The following CBX2 variants were observed in gnomAD, a reference collection of about 807,000 sequenced individuals.
CBX2 encodes the protein chromobox 2.
In CBX2, 11 loss-of-function variants were observed where a neutral mutation model predicts 21.0. That is an observed-to-expected ratio of 0.52 (90% CI 0.33 to 0.87). The LOEUF is 0.87. Among genes scored for constraint, CBX2 ranks in the 40% least tolerant of loss-of-function variants. CBX2 has a pLI of 0.02. For synonymous variants in CBX2, 364 were observed against 304.6 expected (o/e 1.19, Z -2.03); for missense variants, 746 against 724.3 (o/e 1.03, Z -0.34).
rs1907590302 is a variant in CBX2, at chr17:79,785,746, C to T, written c.*704C>T. 2 of 153,474 alleles carry T rather than the reference C, an allele frequency of 1.3e-5. No homozygotes were observed. The highest frequency in any genetic ancestry group is 1.3e-4 in the Admixed American group (2 of 15,498). The allele number at this position is 153,474 out of a possible 1,614,324, so 9.5% of individuals were successfully genotyped here. On this transcript the variant is annotated 3_prime_UTR_variant, in exon 5 of 5. Coordinates refer to ENST00000310942, the MANE Select transcript of CBX2 (RefSeq NM_005189.3). ...AAGGCTGCCTTCATGGCCATCTAGCCCCAGTTCAGGGCAGCATCCATAGCC... is the reference window on the plus strand; with the variant it reads ...AAGGCTGCCTTCATGGCCATCTAGCTCCAGTTCAGGGCAGCATCCATAGCC...
rs1907594146 is a variant in CBX2, at chr17:79,785,784, TG to T, written c.*745del. 1.3e-5 allele frequency: 2 copies of T among 152,560 alleles called. No homozygotes were observed. Among genetic ancestry groups the T allele is most frequent in the Non-Finnish European group, 2.9e-5 (2 of 68,474 alleles). The allele number at this position is 152,560 out of a possible 1,614,324, so 9.5% of individuals were successfully genotyped here. A position where few individuals can be genotyped will look rare whatever the true frequency, so the allele number is the denominator to read the frequency against. On this transcript the variant is annotated 3_prime_UTR_variant, in exon 5 of 5. Transcript: ENST00000310942. ...AGCATCCATAGCCCACAAGCCAGCG[TG>T]GGTGGGGCGGGGGTGGTCCCACAGC... is the stretch of plus-strand genomic sequence containing the variant.
At position 79,778,398 on chromosome 17, in the gene CBX2, C is replaced by T. The variant is rs1555829446; in HGVS notation, c.87C>T (p.Tyr29=). The change falls in exon 2 of 5, where the codon TAC becomes TAT. Residue 29 remains tyrosine (Y), a synonymous_variant. Coordinates refer to ENST00000310942, the MANE Select transcript of CBX2 (RefSeq NM_005189.3). This position sits in a 1 kb window ranked among gnomAD's most constrained non-coding sequence, Gnocchi z 4.8. ...TCTCCCCGCAGGGCAAGCTGGAGTA[C>T]CTGGTCAAGTGGCGCGGCTGGTCCT... ...SKRLRKGKLE[Y]LVKWRGWSSK... 1.9e-6 allele frequency: 3 copies of T among 1,577,532 alleles called. No homozygotes were observed. The highest frequency in any genetic ancestry group is 2.8e-5 in the African/African-American group (2 of 72,582).
At chr17:79,782,055 G>C in intron 4 of CBX2, 3 of 1,613,900 alleles carry the variant, frequency 1.9e-6, no homozygotes, top group Non-Finnish European at 2.5e-6. Flanking sequence ...ACGCCTCTCT[G>C]CTGGGTGGCA....
chr17:79,785,295 T>C lies in CBX2; in HGVS notation c.*253T>C. The C allele has an allele frequency of 1.8e-6, 1 of 569,642 alleles. No homozygotes were observed. Among genetic ancestry groups the C allele is most frequent in the East Asian group, 2.9e-5 (1 of 33,926 alleles). The allele number at this position is 569,642 out of a possible 1,614,324, so 35.3% of individuals were successfully genotyped here. ...CTCTGCAGGCCTCTTTGCTCTCCCC[T>C]CTTGCCTCAGGAAACCCGGTGGCAC... On this transcript the variant is annotated 3_prime_UTR_variant, in exon 5 of 5. Coordinates refer to ENST00000310942, the MANE Select transcript of CBX2 (RefSeq NM_005189.3).
At position 79,786,235 on chromosome 17, in the gene CBX2, C is replaced by A. The variant is rs1555831832; in HGVS notation, c.*1193C>A. ...CTGCAAGTGTTGGCCGTGGGTCCAG[C>A]CAACAACTCCCTACGTCCTGTGTGG... is the stretch of plus-strand genomic sequence containing the variant. On this transcript the variant is annotated 3_prime_UTR_variant, in exon 5 of 5. Coordinates refer to ENST00000310942, the MANE Select transcript of CBX2 (RefSeq NM_005189.3). The A allele has an allele frequency of 6.5e-6, 1 of 152,774 alleles. No individual in the cohort carries two copies. Among genetic ancestry groups the A allele is most frequent in the Non-Finnish European group, 1.5e-5 (1 of 68,130 alleles). The allele number at this position is 152,774 out of a possible 1,614,324, so 9.5% of individuals were successfully genotyped here. A position where few individuals can be genotyped will look rare whatever the true frequency, so the allele number is the denominator to read the frequency against.
rs1187148825 is a variant in CBX2 at position 79,785,106 on chromosome 17, A to G, written c.*64A>G. 2.9e-6 allele frequency: 4 copies of G among 1,394,116 alleles called. No individual in the cohort carries two copies. Among genetic ancestry groups the G allele is most frequent in the Non-Finnish European group, 4.0e-6 (4 of 995,980 alleles). 86.4% of individuals were successfully genotyped at this position (1,394,116 alleles called of 1,614,324 possible). The stretch of plus-strand genomic sequence containing the variant: ...CCCTGCCTATGGTGTCGCTTGGCTA[A>G]GTGACTCCCAGCCCAAGCCCCCTCA... On this transcript the variant is annotated 3_prime_UTR_variant, in exon 5 of 5. Transcript: ENST00000310942.
In CBX2 at chr17:79,778,888, C is replaced by A. The variant is rs1191638128; in HGVS notation, c.116+461C>A. Among the ~76,000 whole-genome samples, 1 of 152,156 alleles carries A rather than the reference C, an allele frequency of 6.6e-6. No homozygotes were observed. Among genetic ancestry groups the A allele is most frequent in the African/African-American group, 2.4e-5 (1 of 41,438 alleles). On this transcript the variant is annotated intron_variant, in intron 2 of 4. Transcript: ENST00000310942. The surrounding 1 kb of genome is among the most constrained non-coding windows in gnomAD (Gnocchi z 4.8). The stretch of plus-strand genomic sequence containing the variant: ...AGCTGCTCCCGCGGCCCCGTTTCTG[C>A]GTCTTCCCGGACCCCGCTCTTTCTT...
rs1175218232 is a variant in CBX2, at chr17:79,778,210, C to T, written c.-26C>T. On this transcript the variant is annotated 5_prime_UTR_variant, in exon 1 of 5. Transcript: ENST00000310942. The surrounding 1 kb of genome is among the most constrained non-coding windows in gnomAD (Gnocchi z 4.8). Reference sequence around the variant, plus strand: ...CGGGCGGGTGACTGGCGGCGGGCGCCGCGGTCGGGCTGGCTGCCGGGCAGC... The same window carrying T: ...CGGGCGGGTGACTGGCGGCGGGCGCTGCGGTCGGGCTGGCTGCCGGGCAGC... The T allele has an allele frequency of 1.5e-5, 20 of 1,306,756 alleles. No individual in the cohort carries two copies. Among genetic ancestry groups the T allele is most frequent in the Middle Eastern group, 2.9e-4 (1 of 3,494 alleles). 80.9% of individuals were successfully genotyped at this position (1,306,756 alleles called of 1,614,324 possible).
In CBX2 at chr17:79,785,192, C is replaced by T. The variant is rs1598228176; in HGVS notation, c.*150C>T. On this transcript the variant is annotated 3_prime_UTR_variant, in exon 5 of 5. Transcript: ENST00000310942. ...CCTTGATGGGCAGGCTTGGAAGGGA[C>T]TTCTCCCGCACCCCACTCTGTCCCA... 1 of 684,620 alleles carries T rather than the reference C, an allele frequency of 1.5e-6. No homozygotes were observed. Among genetic ancestry groups the T allele is most frequent in the East Asian group, 2.7e-5 (1 of 37,004 alleles). 42.4% of individuals were successfully genotyped at this position (684,620 alleles called of 1,614,324 possible). A position where few individuals can be genotyped will look rare whatever the true frequency, so the allele number is the denominator to read the frequency against.
rs1451069369 is a variant in CBX2, at chr17:79,783,646, G to C, written c.289-86G>C. 3 of 1,183,480 alleles carry C rather than the reference G, an allele frequency of 2.5e-6. No homozygotes were observed. The East Asian group carries it at 7.6e-5, about 30-fold the overall frequency. 73.3% of individuals were successfully genotyped at this position (1,183,480 alleles called of 1,614,324 possible). On this transcript the variant is annotated intron_variant, in intron 4 of 4. Transcript: ENST00000310942. ...GCTGGTCTTGAACTCCTGACCTCAGGTGATCCACCCGCTTCGGCCTCCCAA... is the reference window on the plus strand; with the variant it reads ...GCTGGTCTTGAACTCCTGACCTCAGCTGATCCACCCGCTTCGGCCTCCCAA...
At chr17:79,782,522 C>T in intron 4 of CBX2, 1 of 1,166,930 alleles carries the variant, frequency 8.6e-7, no homozygotes, top group East Asian at 5.6e-5. Context: ...CTCCTCCGGG[C>T]ACTGTCCCTG....
In CBX2 at chr17:79,783,926, G is replaced by C; in HGVS notation, c.483G>C (p.Arg161=). The C allele has an allele frequency of 6.2e-7, 1 of 1,614,048 alleles. No individual in the cohort carries two copies. Among genetic ancestry groups the C allele is most frequent in the East Asian group, 2.2e-5 (1 of 44,876 alleles). ...VAKPELKDPI[R]KKRGRKPLPP... ...AACCCGAGCTGAAGGATCCCATCCG[G>C]AAGAAGCGGGGACGAAAGCCCCTGC... Residue 161 remains arginine, a synonymous_variant, in exon 5 of 5, where the codon CGG becomes CGC. Coordinates refer to ENST00000310942, the MANE Select transcript of CBX2 (RefSeq NM_005189.3).
rs959809617 is a variant in CBX2, at chr17:79,784,604, C to T, written c.1161C>T (p.Ala387=). The T allele has an allele frequency of 1.9e-6, 3 of 1,612,654 alleles. No homozygotes were observed. The highest frequency in any genetic ancestry group is 2.5e-6 in the Non-Finnish European group (3 of 1,179,932). ...AGGGTGTCCCGGCCACCAACCCAGC[C>T]CCTGGGAAGGGCACTGGGAGTGGCC... ...ATKGVPATNP[A]PGKGTGSGLI... is the part of the protein sequence containing the mutation. The change falls in exon 5 of 5, where the codon GCC becomes GCT. Residue 387 remains alanine (A), a synonymous_variant. Coordinates refer to ENST00000310942, the MANE Select transcript of CBX2 (RefSeq NM_005189.3). This position sits in a 1 kb window ranked among gnomAD's most constrained non-coding sequence, Gnocchi z 5.9.
intron 3 of CBX2, 92 bp downstream of exon 3, chr17:79,779,519 G>GACCTCAGACCACAGCCCC: frequency 8.5e-7 from 1 of 1,180,512 alleles, no homozygotes. Flanking sequence ...CGGGAGGCTG[G>GACCTCAGACCACAGCCCC]AGCTGGGGCT....
chr17:79,781,712 G>T lies in CBX2; in HGVS notation c.199G>T (p.Val67Leu), dbSNP rs782522831. 1.2e-6 allele frequency: 2 copies of T among 1,613,868 alleles called. No individual in the cohort carries two copies. The highest frequency in any genetic ancestry group is 8.5e-7 in the Non-Finnish European group (1 of 1,179,966). Residue 67 changes from valine to leucine, a missense_variant, in exon 4 of 5, where the codon GTG becomes TTG. Physicochemically the swap from Val to Leu is conservative, Grantham distance 32. Around this residue, in one of 2 missense-constraint regions of CBX2, gnomAD observed 701 missense variants for 650.7 expected, o/e 1.08. Coordinates refer to ENST00000310942, the MANE Select transcript of CBX2 (RefSeq NM_005189.3). ...TGCCTTCAGGGAACATGAGAAGGAG[G>T]TGCAGAACCGGAAGAGAGGCAAGAG... ...AFQKKEHEKEVQNRKRGKRPR... is the reference protein window; with the variant it reads ...AFQKKEHEKELQNRKRGKRPR...
At chr17:79,781,991 G>A (rs782104373) in intron 4 of CBX2, 190 bp downstream of exon 4, 3 of 1,614,104 alleles carry the variant, frequency 1.9e-6, no homozygotes, top group Non-Finnish European at 2.5e-6. Flanking sequence ...GCCCCAGCCG[G>A]CTGAGAGTTC....
intron 4 of CBX2, among the ~76,000 whole-genome samples, chr17:79,782,809 C>T (rs559149583): frequency 7.9e-5 from 12 of 152,190 alleles, no homozygotes; most frequent in Admixed American, 2.0e-4. Context: ...GGTAGGGAGG[C>T]GGTGTTGGAT....
Position 79,786,018 on chromosome 17 carries a change from G to C in CBX2, c.*976G>C, listed in dbSNP as rs1907611315. 1 of 152,404 alleles carries C rather than the reference G, an allele frequency of 6.6e-6. No individual in the cohort carries two copies. The highest frequency in any genetic ancestry group is 2.4e-5 in the African/African-American group (1 of 41,476). The allele number at this position is 152,404 out of a possible 1,614,324, so 9.4% of individuals were successfully genotyped here. ...CCCAAGGAAAACCCAAAGTGGAGGT[G>C]CTCAGGTCCAGGGGAGTCCAGTGGG... On this transcript the variant is annotated 3_prime_UTR_variant, in exon 5 of 5. Transcript: ENST00000310942.
chr17:79,777,897 C>G (rs1293320829), upstream of CBX2, among the ~76,000 whole-genome samples: 6 of 149,774 alleles, frequency 4.0e-5, no homozygotes, highest in Admixed American at 6.6e-5. Flanking sequence ...ACCTCCTCCC[C>G]CAGCCAGGGG....
Sources: gnomAD v4.1 joint callset for allele counts (sites outside exome capture counted in the v4.1 genomes callset) on GRCh38, gnomAD v4.1.1 for gene constraint, gnomAD v4.1.1 regional missense constraint, Gnocchi (gnomAD v3.1) non-coding constraint, MANE v1.5 for transcripts, NCBI Gene and HGNC (gene_info 2026-07-23, HGNC 2026-07-21) for gene names.